The following PTPRN2 variants were observed in gnomAD, a reference collection of about 807,000 sequenced individuals.
PTPRN2 encodes protein tyrosine phosphatase receptor type N2.
A neutral mutation model predicts 118.8 loss-of-function variants in PTPRN2; 74 were observed. The ratio of observed to expected loss-of-function variants is 0.62; its 90% confidence interval spans 0.52 to 0.76. PTPRN2 has a LOEUF of 0.76. Ranked by LOEUF, PTPRN2 falls within the 30% of genes least tolerant of loss-of-function variation. PTPRN2 has a pLI of 0.00. For missense variants in PTPRN2, 1,481 were observed against 1,394.4 expected (o/e 1.06, Z -0.99); for synonymous variants, 641 against 608.0 (o/e 1.05, Z -0.80).
At chr7:158,515,597 C>T (rs73729664) in intron 1 of PTPRN2, among the ~76,000 whole-genome samples, 2,440 of 152,268 alleles carry the variant, frequency 0.016, 76 homozygotes, top group African/African-American at 0.056. Flanking sequence ...CAATGGGAGG[C>T]GAGTCCCAGG....
intron 2 of PTPRN2, among the ~76,000 whole-genome samples, chr7:158,388,170 C>G (rs1204465835): frequency 6.6e-6 from 1 of 152,132 alleles, no homozygotes; most frequent in Admixed American, 6.5e-5. Flanking sequence ...CAAGGAGCAC[C>G]CCTGTCCACA....
chr7:157,958,586 C>T (rs1166485514), intron 11 of PTPRN2, among the ~76,000 whole-genome samples: 1 of 152,070 alleles, frequency 6.6e-6, no homozygotes, highest in Admixed American at 6.5e-5. Context: ...AATCAATATA[C>T]AGAAATCATT....
intron 3 of PTPRN2, among the ~76,000 whole-genome samples, chr7:158,221,940 G>C (rs905513432): frequency 2.0e-5 from 3 of 152,140 alleles, no homozygotes; most frequent in Admixed American, 2.0e-4. Flanking sequence ...CTTCTTAAAA[G>C]AAGACATAGA....
chr7:158,481,136 G>A (rs1205166432), intron 2 of PTPRN2, among the ~76,000 whole-genome samples: 1 of 152,266 alleles, frequency 6.6e-6, no homozygotes, highest in Non-Finnish European at 1.5e-5. Flanking sequence ...AGCTGATGCA[G>A]CTGAGGACTT....
intron 11 of PTPRN2, among the ~76,000 whole-genome samples, chr7:158,061,842 G>A (rs768154503): frequency 5.9e-5 from 9 of 152,242 alleles, no homozygotes; most frequent in South Asian, 2.1e-4. Flanking sequence ...AGGGCCCTTC[G>A]ATCCATGTGG....
intron 1 of PTPRN2, among the ~76,000 whole-genome samples, chr7:158,584,455 G>C (rs1212405212): frequency 6.6e-6 from 1 of 152,186 alleles, no homozygotes; most frequent in Non-Finnish European, 1.5e-5. Flanking sequence ...AGACCATCAG[G>C]CTGTCTGAAC....
chr7:157,761,288 C>T (rs1200521158), intron 12 of PTPRN2, among the ~76,000 whole-genome samples: 6 of 151,896 alleles, frequency 4.0e-5, no homozygotes, highest in African/African-American at 1.5e-4. Flanking sequence ...GCCCACATTG[C>T]CAAGTCAATC....
At chr7:157,706,902 C>G (rs1436197667) in intron 12 of PTPRN2, among the ~76,000 whole-genome samples, 2 of 151,654 alleles carry the variant, frequency 1.3e-5, no homozygotes, top group African/African-American at 4.8e-5. Context: ...TGGACCACAT[C>G]CCTCCAGAAT....
At chr7:157,798,263 A>G (rs1194454522) in intron 12 of PTPRN2, among the ~76,000 whole-genome samples, 1 of 152,240 alleles carries the variant, frequency 6.6e-6, no homozygotes, top group Non-Finnish European at 1.5e-5. Context: ...AGTCCTAAAA[A>G]AATAAATAAA....
At chr7:158,209,146 G>A (rs1827388824) in intron 3 of PTPRN2, among the ~76,000 whole-genome samples, 1 of 149,620 alleles carries the variant, frequency 6.7e-6, no homozygotes, top group Admixed American at 6.6e-5. Flanking sequence ...ATAAGAAAGA[G>A]AAGACCACAA....
chr7:157,747,542 G>C (rs1203586594), intron 12 of PTPRN2, among the ~76,000 whole-genome samples: 5 of 112,664 alleles, frequency 4.4e-5, no homozygotes, highest in Admixed American at 8.8e-5. Flanking sequence ...CTGCGTCCCT[G>C]AGCTGTGGGC....
At chr7:158,437,141 C>T (rs1816626748) in intron 2 of PTPRN2, among the ~76,000 whole-genome samples, 1 of 152,142 alleles carries the variant, frequency 6.6e-6, no homozygotes, top group Non-Finnish European at 1.5e-5. Flanking sequence ...CCTGTACTTT[C>T]TCTCAGTTTT....
At chr7:158,440,799 AGTG>A (rs1340098324) in intron 2 of PTPRN2, among the ~76,000 whole-genome samples, 8 of 43,284 alleles carry the variant, frequency 1.8e-4, no homozygotes, top group South Asian at 9.6e-4. Context: ...TGGGGGTGGT[AGTG>A]GTGATGGTGG....
At chr7:157,934,817 C>T (rs1417408996) in intron 11 of PTPRN2, among the ~76,000 whole-genome samples, 1 of 152,188 alleles carries the variant, frequency 6.6e-6, no homozygotes, top group Non-Finnish European at 1.5e-5. Flanking sequence ...CAGAAGAGGT[C>T]CGCAGCATTT....
Position 157,611,609 on chromosome 7 carries a change from G to C in PTPRN2, c.2345-7534C>G, listed in dbSNP as rs187793798. ...GGGTCTTTACAGAGGTAAGCGAGCG[G>C]AGGGCATTTGGGCGGCCCTAATGCA... is the stretch of plus-strand genomic sequence containing the variant. On this transcript the variant is annotated intron_variant, in intron 15 of 22. Coordinates refer to ENST00000389418, the MANE Select transcript of PTPRN2 (RefSeq NM_002847.5). The surrounding 1 kb of genome is among the most constrained non-coding windows in gnomAD (Gnocchi z 5.9). 6.6e-6 allele frequency among the ~76,000 whole-genome samples: 1 copy of C among 152,288 alleles called. No homozygotes were observed. Among genetic ancestry groups the C allele is most frequent in the African/African-American group, 2.4e-5 (1 of 41,560 alleles).
At chr7:158,461,980 G>A (rs957161231) in intron 2 of PTPRN2, among the ~76,000 whole-genome samples, 7 of 152,298 alleles carry the variant, frequency 4.6e-5, no homozygotes, top group African/African-American at 1.7e-4. Context: ...AGGAGCCGGC[G>A]CTTGGGTGAA....
intron 2 of PTPRN2, among the ~76,000 whole-genome samples, chr7:158,413,201 C>G (rs891356401): frequency 6.6e-6 from 1 of 152,220 alleles, no homozygotes; most frequent in African/African-American, 2.4e-5. Context: ...GATGCAAGCT[C>G]GTTCCAGACC....
At chr7:157,871,595 A>G (rs1218674248) in intron 12 of PTPRN2, among the ~76,000 whole-genome samples, 1 of 152,014 alleles carries the variant, frequency 6.6e-6, no homozygotes, top group Non-Finnish European at 1.5e-5. Flanking sequence ...CACTGGCACA[A>G]CTTCACCCTC....
chr7:158,554,593 G>A (rs2058920448), intron 1 of PTPRN2, among the ~76,000 whole-genome samples: 1 of 152,068 alleles, frequency 6.6e-6, no homozygotes, highest in African/African-American at 2.4e-5. Flanking sequence ...AGCTTGTTCT[G>A]GGCACAGAGG....
Sources: allele counts gnomAD v4.1 joint callset (sites outside exome capture counted in the v4.1 genomes callset), GRCh38; gene constraint gnomAD v4.1.1; non-coding constraint Gnocchi (gnomAD v3.1); transcripts MANE v1.5; gene names NCBI Gene and HGNC (gene_info 2026-07-23, HGNC 2026-07-21).